Variants in DRC11L observed in about 807,000 individuals in gnomAD.
DRC11L encodes the protein dynein regulatory complex subunit like-11.
At chr7:151,194,565 A>G in the DRC11L span, 1 of 399,552 alleles carries the variant, frequency 2.5e-6, no homozygotes, top group East Asian at 3.6e-5. Context: ...GAAGGCCAGA[A>G]ATAACAAGCT....
the DRC11L span, chr7:151,200,379 T>C: frequency 2.5e-6 from 1 of 399,056 alleles, no homozygotes; most frequent in Non-Finnish European, 4.4e-6. Context: ...CAGGTTGAGC[T>C]CACCATGCCA....
the DRC11L span, among the ~76,000 whole-genome samples, chr7:151,195,230 G>A: frequency 6.6e-6 from 1 of 152,168 alleles, no homozygotes; most frequent in African/African-American, 2.4e-5. Flanking sequence ...GCCCTTTCTT[G>A]TGCCTTTGCT....
At chr7:151,192,720 C>G in the DRC11L span, 1 of 399,234 alleles carries the variant, frequency 2.5e-6, no homozygotes, top group East Asian at 3.6e-5. Flanking sequence ...GCCCACACGG[C>G]CTTCACATCC....
the DRC11L span, among the ~76,000 whole-genome samples, chr7:151,194,959 A>G: frequency 6.6e-6 from 1 of 152,104 alleles, no homozygotes; most frequent in African/African-American, 2.4e-5. Context: ...TACATTTAAG[A>G]CGTGAGTGCT....
the DRC11L span, chr7:151,203,547 A>T: frequency 2.5e-6 from 1 of 398,676 alleles, no homozygotes; most frequent in African/African-American, 2.1e-5. Context: ...GAGGGTCAGG[A>T]ATCAAAAGTC....
At chr7:151,194,094 A>G in the DRC11L span, among the ~76,000 whole-genome samples, 1 of 151,832 alleles carries the variant, frequency 6.6e-6, no homozygotes, top group Non-Finnish European at 1.5e-5. Context: ...GAGTGGCCCA[A>G]TCTGGGTGTG....
chr7:151,203,030 C>T, the DRC11L span: 1 of 399,834 alleles, frequency 2.5e-6, no homozygotes, highest in Non-Finnish European at 4.4e-6. Context: ...CGAAGCCGGC[C>T]TTGCCTCGCC....
the DRC11L span, chr7:151,194,280 C>A: frequency 1.3e-5 from 5 of 399,150 alleles, no homozygotes; most frequent in African/African-American, 2.1e-5. Context: ...GCATACAAAG[C>A]CACATTCTGT....
chr7:151,194,947 A>T, the DRC11L span, among the ~76,000 whole-genome samples: 1 of 152,198 alleles, frequency 6.6e-6, no homozygotes, highest in African/African-American at 2.4e-5. Flanking sequence ...CTTCTTAGAA[A>T]CTACATTTAA....
chr7:151,194,984 A>G, the DRC11L span, among the ~76,000 whole-genome samples: 1 of 152,232 alleles, frequency 6.6e-6, no homozygotes, highest in African/African-American at 2.4e-5. Flanking sequence ...GGAGAGACAG[A>G]CATTAAATTC....
At chr7:151,203,425 C>A in the DRC11L span, 9 of 399,122 alleles carry the variant, frequency 2.3e-5, no homozygotes, top group Non-Finnish European at 4.0e-5. Context: ...CCAGTCTGGA[C>A]AGGATCTCGG....
chr7:151,195,927 C>T, the DRC11L span: 2 of 317,510 alleles, frequency 6.3e-6, no homozygotes, highest in Non-Finnish European at 1.1e-5. Flanking sequence ...TGCGGAGAAG[C>T]CCCCAGATGG....
At chr7:151,191,609 A>T in the DRC11L span, 1 of 398,926 alleles carries the variant, frequency 2.5e-6, no homozygotes, top group Non-Finnish European at 4.4e-6. Context: ...GGCGCTGCTT[A>T]CCCACAGCCC....
At chr7:151,204,954 G>A in the DRC11L span, 1 of 398,242 alleles carries the variant, frequency 2.5e-6, no homozygotes, top group African/African-American at 2.1e-5. Flanking sequence ...TGTCACTCAT[G>A]GCTCCTAAAT....
chr7:151,199,425 G>A, the DRC11L span, among the ~76,000 whole-genome samples: 1 of 152,118 alleles, frequency 6.6e-6, no homozygotes, highest in Non-Finnish European at 1.5e-5. This position sits in a 1 kb window ranked among gnomAD's most constrained non-coding sequence, Gnocchi z 5.2. Context: ...TACTGAAAAC[G>A]CTGAGCTCAC....
the DRC11L span, chr7:151,200,248 C>T: frequency 5.0e-6 from 2 of 398,180 alleles, no homozygotes; most frequent in Non-Finnish European, 8.9e-6. Context: ...CTCTTTCTCT[C>T]CCAGGCTGTT....
chr7:151,200,953 G>A, the DRC11L span, among the ~76,000 whole-genome samples: 3 of 151,728 alleles, frequency 2.0e-5, no homozygotes, highest in African/African-American at 4.8e-5. Context: ...AGCTGGACCC[G>A]TCCTCTTTCT....
the DRC11L span, chr7:151,204,945 G>A: frequency 7.5e-6 from 3 of 398,446 alleles, no homozygotes; most frequent in Non-Finnish European, 1.3e-5. Flanking sequence ...AAGGTGTGAT[G>A]TCACTCATGG....
chr7:151,205,390 GCTCTGCCCTTTGCTGT>G, the DRC11L span: 1 of 399,322 alleles, frequency 2.5e-6, no homozygotes, highest in African/African-American at 2.1e-5. Context: ...CTAAGGAGAT[GCTCTGCCCTTTGCTGT>G]CTCTGCCCTG....
Sources: gnomAD v4.1 joint callset for allele counts (sites outside exome capture counted in the v4.1 genomes callset) on GRCh38, gnomAD v4.1.1 for gene constraint, Gnocchi (gnomAD v3.1) non-coding constraint, MANE v1.5 for transcripts, NCBI Gene and HGNC (gene_info 2026-07-23, HGNC 2026-07-21) for gene names.